BCHE: variants seen among roughly 807,000 people sequenced by gnomAD.
BCHE encodes the protein cholinesterase.
BCHE carries 48 observed loss-of-function variants against 51.3 expected under a neutral mutation model. The ratio of observed to expected loss-of-function variants is 0.94; its 90% CI spans 0.74 to 1.19. The LOEUF is 1.19. BCHE is among the 50% of genes most tolerant of loss of function. BCHE has a pLI of 0.00. For synonymous variants in BCHE, 251 were observed against 238.0 expected (o/e 1.05, Z -0.50); for missense variants, 847 against 708.2 (o/e 1.20, Z -2.23).
At chr3:165,787,585 G>C (rs562810950) in intron 2 of BCHE, among the ~76,000 whole-genome samples, 7 of 151,990 alleles carry the variant, frequency 4.6e-5, no homozygotes, top group African/African-American at 1.7e-4. Flanking sequence ...ACCTGAGCTA[G>C]AAAGGAAAGT....
At chr3:165,801,893 C>A (rs748919615) in intron 2 of BCHE, among the ~76,000 whole-genome samples, 4 of 152,312 alleles carry the variant, frequency 2.6e-5, no homozygotes, top group East Asian at 1.9e-4. Context: ...TCTCCACATT[C>A]TTTCATCCAC....
At chr3:165,801,735 T>C (rs962489856) in intron 2 of BCHE, among the ~76,000 whole-genome samples, 2 of 152,274 alleles carry the variant, frequency 1.3e-5, no homozygotes, top group African/African-American at 2.4e-5. Context: ...TACTTAAAGG[T>C]TGTAAAAAGT....
chr3:165,820,663 G>A (rs1056664173), intron 2 of BCHE, among the ~76,000 whole-genome samples: 7 of 151,990 alleles, frequency 4.6e-5, no homozygotes, highest in Middle Eastern at 3.4e-3. Flanking sequence ...TGGAAGCCAC[G>A]TGAACTATTA....
intron 2 of BCHE, among the ~76,000 whole-genome samples, chr3:165,791,017 G>T (rs1463301145): frequency 6.6e-6 from 1 of 152,136 alleles, no homozygotes; most frequent in Non-Finnish European, 1.5e-5. Context: ...AACAAGACTG[G>T]CCAGGCACGG....
chr3:165,773,206 T>TCACTCA lies in BCHE; in HGVS notation c.*175_*176insTGAGTG. The stretch of plus-strand genomic sequence containing the variant: ...TTTAATTAAACACGTTCTAGCCATT[T>TCACTCA]GGGTTTTGAAATGCTAGGTAAAATA... On this transcript the variant is annotated 3_prime_UTR_variant, in exon 4 of 4. Coordinates refer to ENST00000264381, the MANE Select transcript of BCHE (RefSeq NM_000055.4). 1.2e-5 allele frequency: 7 copies of TCACTCA among 567,554 alleles called. No individual in the cohort carries two copies. The highest frequency in any genetic ancestry group is 1.5e-5 in the Non-Finnish European group (5 of 327,888). 35.2% of individuals were successfully genotyped at this position (567,554 alleles called of 1,614,324 possible).
intron 2 of BCHE, among the ~76,000 whole-genome samples, chr3:165,792,963 C>T (rs1228930661): frequency 6.6e-6 from 1 of 152,062 alleles, no homozygotes; most frequent in African/African-American, 2.4e-5. Context: ...TACTTTTTCT[C>T]ATTCTGGAGG....
At chr3:165,823,435 A>G (rs922544355) in intron 2 of BCHE, among the ~76,000 whole-genome samples, 1 of 152,182 alleles carries the variant, frequency 6.6e-6, no homozygotes, top group South Asian at 2.1e-4. Flanking sequence ...TACTGGACAG[A>G]ACAAACAAGG....
At chr3:165,804,611 A>T (rs1713804238) in intron 2 of BCHE, among the ~76,000 whole-genome samples, 1 of 152,054 alleles carries the variant, frequency 6.6e-6, no homozygotes, top group Admixed American at 6.6e-5. Context: ...TTGCGATCTG[A>T]TTAATTTTGG....
chr3:165,792,586 A>G (rs1011019461), intron 2 of BCHE, among the ~76,000 whole-genome samples: 1 of 152,164 alleles, frequency 6.6e-6, no homozygotes, highest in African/African-American at 2.4e-5. Context: ...AAGGTAGCAA[A>G]CATATCTTTA....
Position 165,802,647 on chromosome 3 carries a change from T to C in BCHE, c.1518-16336A>G, listed in dbSNP as rs1021044926. Reference sequence around the variant, plus strand: ...AAATTTGTTTTTTTTTTTTTGTAATTGTAAATGGAGACATTTACAGAGATA... The same window carrying C: ...AAATTTGTTTTTTTTTTTTTGTAATCGTAAATGGAGACATTTACAGAGATA... On this transcript the variant is annotated intron_variant, in intron 2 of 3. Coordinates refer to ENST00000264381, the MANE Select transcript of BCHE (RefSeq NM_000055.4). Among the ~76,000 whole-genome samples the C allele has an allele frequency of 7.2e-5, 11 of 152,196 alleles. No individual in the cohort carries two copies. The East Asian group carries it at 1.7e-3, about 24-fold the overall frequency.
Position 165,775,004 on chromosome 3 carries a change from T to C in BCHE, c.1685-1498A>G, listed in dbSNP as rs897455390. On this transcript the variant is annotated intron_variant, in intron 3 of 3. Coordinates refer to ENST00000264381, the MANE Select transcript of BCHE (RefSeq NM_000055.4). ...TATAACTGTGGTTTTCTTTTTAAAC[T>C]TTTAGAATGCTAAGCTACAGTCATT... Among the ~76,000 whole-genome samples the C allele has an allele frequency of 2.6e-5, 4 of 152,186 alleles. No homozygotes were observed. The South Asian group carries it at 8.3e-4, about 31-fold the overall frequency.
At chr3:165,805,991 A>G (rs1193252690) in intron 2 of BCHE, among the ~76,000 whole-genome samples, 1 of 152,012 alleles carries the variant, frequency 6.6e-6, no homozygotes, top group Non-Finnish European at 1.5e-5. Flanking sequence ...CCCAGTGTAG[A>G]CCATTTGTAT....
intron 2 of BCHE, among the ~76,000 whole-genome samples, chr3:165,803,960 A>G (rs1330523831): frequency 6.6e-6 from 1 of 152,138 alleles, no homozygotes; most frequent in Non-Finnish European, 1.5e-5. Flanking sequence ...CATGCACAGG[A>G]AAGAGTGGTC....
At chr3:165,785,918 A>G (rs1162095554) in intron 3 of BCHE, among the ~76,000 whole-genome samples, 1 of 151,672 alleles carries the variant, frequency 6.6e-6, no homozygotes, top group African/African-American at 2.4e-5. Context: ...TCTATATTTT[A>G]GTTTTCTTTA....
intron 3 of BCHE, among the ~76,000 whole-genome samples, chr3:165,779,593 A>G (rs1374396539): frequency 6.6e-6 from 1 of 152,148 alleles, no homozygotes; most frequent in African/African-American, 2.4e-5. Context: ...CAATGTGCAG[A>G]AATCACAAGC....
intron 2 of BCHE, among the ~76,000 whole-genome samples, chr3:165,807,206 A>G (rs1179626055): frequency 6.6e-6 from 1 of 151,876 alleles, no homozygotes; most frequent in African/African-American, 2.4e-5. Context: ...CATTGCAAAA[A>G]CCTTGAAGAT....
intron 1 of BCHE, among the ~76,000 whole-genome samples, chr3:165,832,917 T>G (rs1715043024): frequency 6.6e-6 from 1 of 152,198 alleles, no homozygotes; most frequent in African/African-American, 2.4e-5. Context: ...GGATATCTAG[T>G]GACCTACAAG....
chr3:165,817,998 A>G (rs60180298), intron 2 of BCHE, among the ~76,000 whole-genome samples: 3,762 of 152,196 alleles, frequency 0.025, 153 homozygotes, highest in African/African-American at 0.088. Context: ...ACTGAAAAGT[A>G]TTATTTAATA....
chr3:165,799,684 G>C (rs1713563681), intron 2 of BCHE, among the ~76,000 whole-genome samples: 1 of 152,036 alleles, frequency 6.6e-6, no homozygotes, highest in Non-Finnish European at 1.5e-5. Flanking sequence ...CATGCTTAAT[G>C]AATTTTTCAA....
Sources: gnomAD v4.1 joint callset for allele counts (sites outside exome capture counted in the v4.1 genomes callset) on GRCh38, gnomAD v4.1.1 for gene constraint, MANE v1.5 for transcripts, NCBI Gene and HGNC (gene_info 2026-07-23, HGNC 2026-07-21) for gene names.